PEX11A: variants seen among roughly 807,000 people sequenced by gnomAD.
The protein encoded by PEX11A is peroxisomal biogenesis factor 11 alpha, also known as peroxisomal membrane protein 11A.
Under a neutral mutation model 14.4 loss-of-function variants are expected in PEX11A, and 13 were observed. The ratio of observed to expected loss-of-function variants is 0.90; its 90% CI spans 0.59 to 1.43. The LOEUF (loss-of-function observed/expected upper bound fraction) is 1.43, where lower values mean the gene tolerates loss of function less well. Among genes scored for constraint, PEX11A ranks in the 40% most tolerant of loss-of-function variants. PEX11A has a pLI of 0.00. For synonymous variants in PEX11A, 101 were observed against 113.0 expected, an observed-to-expected ratio of 0.89 and a Z score of 0.67; for missense variants, 290 against 302.8, an observed-to-expected ratio of 0.96 and a Z score of 0.31.
chr15:89,684,024 T>G (rs1450782497), intron 2 of PEX11A, 76 bp from the exon 3 acceptor site: 5 of 1,098,294 alleles, frequency 4.6e-6, no homozygotes, highest in Admixed American at 2.2e-5. Flanking sequence ...TGTATCAGGG[T>G]GAGGAGCCAG....
chr15:89,688,442 G>C lies in PEX11A; in HGVS notation c.57-1896C>G, dbSNP rs1369276044. 2.6e-5 allele frequency among the ~76,000 whole-genome samples: 4 copies of C among 152,078 alleles called. No homozygotes were observed. In the East Asian group the frequency reaches 7.7e-4, roughly 29 times the overall value. ...GAGTCTCGCTCTGTTGCCCAGGCTG[G>C]AGGGTAGTGGTGCGTTCTTGGCTCT... On this transcript the variant is annotated intron_variant, in intron 1 of 2. Transcript: ENST00000300056.
chr15:89,688,723 TA>T (rs1432680403), intron 1 of PEX11A, among the ~76,000 whole-genome samples: 2 of 149,232 alleles, frequency 1.3e-5, no homozygotes, highest in Admixed American at 1.3e-4. Flanking sequence ...TTAATGTTTT[TA>T]TTTTTTTTTT....
At position 89,683,390 on chromosome 15, in the gene PEX11A, A is replaced by T. The variant is rs982847103; in HGVS notation, c.731T>A (p.Leu244Gln). Residue 244 changes from leucine (L) to glutamine (Q), a missense_variant, in exon 3 of 3, where the codon CTG becomes CAG. Physicochemically the swap from Leu to Gln is moderately radical, Grantham distance 113. Transcript: ENST00000300056. ...CCTAAAAACACCCTAACGGGTCTTC[A>T]GCTTCATCTGAGGATATGCCACAGT... The part of the protein sequence containing the change: ...MITVAYPQMK[L>Q]KTR 45 of 1,611,894 alleles carry T rather than the reference A, an allele frequency of 2.8e-5. No individual in the cohort carries two copies. The highest frequency in any genetic ancestry group is 3.6e-5 in the Non-Finnish European group (43 of 1,178,956).
In PEX11A at chr15:89,683,270, A is replaced by G; in HGVS notation, c.*107T>C. On this transcript the variant is annotated 3_prime_UTR_variant, in exon 3 of 3. Transcript: ENST00000300056. ...TCACAGGTTGTTAAATGCTCACATG[A>G]ACAAGAACTTAAGCACAGTATGACA... The G allele has an allele frequency of 1.3e-6, 1 of 790,640 alleles. No homozygotes were observed. Among genetic ancestry groups the G allele is most frequent in the South Asian group, 1.7e-5 (1 of 59,258 alleles). 49.0% of individuals were successfully genotyped at this position (790,640 alleles called of 1,614,324 possible).
Position 89,690,606 on chromosome 15 carries a change from G to C in PEX11A, c.27C>G (p.Asn9Lys). The C allele has an allele frequency of 6.4e-7, 1 of 1,551,480 alleles. No homozygotes were observed. The highest frequency in any genetic ancestry group is 8.7e-7 in the Non-Finnish European group (1 of 1,146,926). The change falls in exon 1 of 3, where the codon AAC (asparagine) becomes AAG (lysine). Residue 9 changes from asparagine (N) to lysine (K), a missense_variant. Transcript: ENST00000300056. ...AGAGTCGGTCCCGGCCCTGGGTCTG[G>C]TTGGTGAAGCGGGTGAAGGCGTCCA... MDAFTRFT[N>K]QTQGRDRLFR...
At chr15:89,683,993 A>G in intron 2 of PEX11A, 45 bp from the exon 3 acceptor site, 1 of 1,339,430 alleles carries the variant, frequency 7.5e-7, no homozygotes, top group Non-Finnish European at 1.0e-6. Flanking sequence ...TCATTAGTAC[A>G]CAACAGGAAG....
At chr15:89,684,161 G>A in intron 2 of PEX11A, among the ~76,000 whole-genome samples, 1 of 152,136 alleles carries the variant, frequency 6.6e-6, no homozygotes, top group Non-Finnish European at 1.5e-5. Context: ...TCAGCCTCCC[G>A]AGTAGCTGGG....
At chr15:89,686,698 C>A (rs1964681893) in intron 1 of PEX11A, 152 bp from the exon 2 acceptor site, 1 of 574,130 alleles carries the variant, frequency 1.7e-6, no homozygotes, top group African/African-American at 1.9e-5. Flanking sequence ...AATTCTGCAA[C>A]AGTCATTCTA....
At position 89,683,609 on chromosome 15, in the gene PEX11A, T is replaced by C. The variant is rs1455298511; in HGVS notation, c.512A>G (p.Glu171Gly). 2 of 1,614,014 alleles carry C rather than the reference T, an allele frequency of 1.2e-6. No individual in the cohort carries two copies. Among genetic ancestry groups the C allele is most frequent in the East Asian group, 4.5e-5 (2 of 44,902 alleles). The part of the protein sequence containing the change: ...SQDPLWFSVA[E>G]EETEWLQSFL... Reference sequence around the variant, plus strand: ...GGATTGGAGCCATTCTGTTTCCTCCTCAGCCACGCTGAACCAAAGAGGATC... The same window carrying C: ...GGATTGGAGCCATTCTGTTTCCTCCCCAGCCACGCTGAACCAAAGAGGATC... Residue 171 changes from glutamate to glycine, a missense_variant, in exon 3 of 3, where the codon GAG becomes GGG. By Grantham distance (98) the Glu-to-Gly change is moderately conservative. Transcript: ENST00000300056.
chr15:89,683,595 A>T lies in PEX11A; in HGVS notation c.526T>A (p.Trp176Arg), dbSNP rs1964630029. Residue 176 changes from tryptophan (W) to arginine (R), a missense_variant, in exon 3 of 3, where the codon TGG becomes AGG. Transcript: ENST00000300056. ...WFSVAEEETE[W>R]LQSFLLLLFR... ...AAAAGAAGTAGAAAGGATTGGAGCCATTCTGTTTCCTCCTCAGCCACGCTG... is the reference window on the plus strand; with the variant it reads ...AAAAGAAGTAGAAAGGATTGGAGCCTTTCTGTTTCCTCCTCAGCCACGCTG... The T allele has an allele frequency of 6.2e-7, 1 of 1,613,924 alleles. No individual in the cohort carries two copies. Among genetic ancestry groups the T allele is most frequent in the African/African-American group, 1.3e-5 (1 of 74,944 alleles).
Position 89,683,580 on chromosome 15 carries a change from G to C in PEX11A, c.541C>G (p.Leu181Val). 6.2e-7 allele frequency: 1 copy of C among 1,614,190 alleles called. No homozygotes were observed. Among genetic ancestry groups the C allele is most frequent in the Non-Finnish European group, 8.5e-7 (1 of 1,179,994 alleles). ...EEETEWLQSF[L>V]LLLFRSLKQH... ...TTCAGAGATCGGAATAAAAGAAGTAGAAAGGATTGGAGCCATTCTGTTTCC... is the reference window on the plus strand; with the variant it reads ...TTCAGAGATCGGAATAAAAGAAGTACAAAGGATTGGAGCCATTCTGTTTCC... The change falls in exon 3 of 3, where the codon CTA (leucine) becomes GTA (valine). Residue 181 changes from leucine (L) to valine (V), a missense_variant. Coordinates refer to ENST00000300056, the MANE Select transcript of PEX11A (RefSeq NM_003847.3).
chr15:89,683,433 A>C lies in PEX11A; in HGVS notation c.688T>G (p.Ser230Ala). The change falls in exon 3 of 3, where the codon TCT becomes GCT. Residue 230 changes from serine to alanine, a missense_variant. Ser to Ala is a moderately conservative substitution (Grantham distance 99). Coordinates refer to ENST00000300056, the MANE Select transcript of PEX11A (RefSeq NM_003847.3). Reference sequence around the variant, plus strand: ...GCCACAGTGATCATGCCTGCTATAGAGGACACAAGACCTCCAAGTCCAATG... The same window carrying C: ...GCCACAGTGATCATGCCTGCTATAGCGGACACAAGACCTCCAAGTCCAATG... The part of the protein sequence containing the change: ...GIIGLGGLVS[S>A]IAGMITVAYP... The C allele has an allele frequency of 6.2e-7, 1 of 1,614,146 alleles. No homozygotes were observed.
chr15:89,684,963 A>G (rs529102640), intron 2 of PEX11A, among the ~76,000 whole-genome samples: 2 of 152,240 alleles, frequency 1.3e-5, no homozygotes, highest in East Asian at 1.9e-4. Context: ...GCCAAGGTGC[A>G]CGGATCACCT....
rs773542214 is a variant in PEX11A, at chr15:89,683,363, A to C, written c.*14T>G. On this transcript the variant is annotated 3_prime_UTR_variant, in exon 3 of 3. Transcript: ENST00000300056. ...TCTTTTAAAGTAGGTACTAGTTCCA[A>C]GCCTAAAAACACCCTAACGGGTCTT... 2.5e-5 allele frequency: 40 copies of C among 1,584,204 alleles called. No individual in the cohort carries two copies. The highest frequency in any genetic ancestry group is 1.8e-5 in the Non-Finnish European group (21 of 1,160,808).
At chr15:89,689,191 T>C (rs1326738549) in intron 1 of PEX11A, among the ~76,000 whole-genome samples, 1 of 151,822 alleles carries the variant, frequency 6.6e-6, no homozygotes, top group Non-Finnish European at 1.5e-5. Context: ...GGTAGTTAAG[T>C]GGGCACTGGA....
rs186678055 is a variant in PEX11A, at chr15:89,690,729, G to A, written c.-97C>T. ...GGGAACGGTCAGTCCCAGGTTATCCGCTGAGGGGGAGGGGCTGAGTCTCTC... is the reference window on the plus strand; with the variant it reads ...GGGAACGGTCAGTCCCAGGTTATCCACTGAGGGGGAGGGGCTGAGTCTCTC... On this transcript the variant is annotated 5_prime_UTR_variant, in exon 1 of 3. Coordinates refer to ENST00000300056, the MANE Select transcript of PEX11A (RefSeq NM_003847.3). 54 of 845,926 alleles carry A rather than the reference G, an allele frequency of 6.4e-5. No individual in the cohort carries two copies. In the African/African-American group the frequency reaches 6.7e-4, roughly 11 times the overall value. 52.4% of individuals were successfully genotyped at this position (845,926 alleles called of 1,614,324 possible).
intron 2 of PEX11A, among the ~76,000 whole-genome samples, chr15:89,685,203 CAAAAAAAAA>C (rs869275308): frequency 4.1e-5 from 1 of 24,532 alleles, no homozygotes; most frequent in Non-Finnish European, 7.3e-5. Context: ...GACTCCATCT[CAAAAAAAAA>C]AAAAAAAAAA....
chr15:89,690,048 C>T (rs1267357332), intron 1 of PEX11A, among the ~76,000 whole-genome samples: 2 of 152,156 alleles, frequency 1.3e-5, no homozygotes, highest in Non-Finnish European at 2.9e-5. Flanking sequence ...AGGAGAATCG[C>T]TTGAACCCGG....
In PEX11A at chr15:89,683,655, T is replaced by G. The variant is rs773000385; in HGVS notation, c.466A>C (p.Lys156Gln). The change falls in exon 3 of 3, where the codon AAA (lysine) becomes CAA (glutamine). Residue 156 changes from lysine (K) to glutamine (Q), a missense_variant. Coordinates refer to ENST00000300056, the MANE Select transcript of PEX11A (RefSeq NM_003847.3). ...GGATCCTGGGATGCTGATTTCTCTT[T>G]CTTTGCCCTGTCACATGTAACTCGT... ...MKRVTCDRAK[K>Q]EKSASQDPLW... 72 of 1,614,190 alleles carry G rather than the reference T, an allele frequency of 4.5e-5. No homozygotes were observed. The highest frequency in any genetic ancestry group is 5.8e-5 in the Non-Finnish European group (69 of 1,180,038).
Sources: gnomAD v4.1 joint callset for allele counts (sites outside exome capture counted in the v4.1 genomes callset) on GRCh38, gnomAD v4.1.1 for gene constraint, MANE v1.5 for transcripts, NCBI Gene and HGNC (gene_info 2026-07-23, HGNC 2026-07-21) for gene names.